The following RSU1 variants were observed in gnomAD, a reference collection of about 807,000 sequenced individuals.
RSU1 encodes Ras suppressor protein 1.
In RSU1, 26 loss-of-function variants were observed where a neutral mutation model predicts 31.1. The ratio of observed to expected loss-of-function variants is 0.84; its 90% CI spans 0.61 to 1.16. The LOEUF is 1.16. Among genes scored for constraint, RSU1 ranks in the 50% most tolerant of loss-of-function variants. The pLI is 0.00. For missense variants in RSU1, 320 were observed against 339.1 expected (o/e 0.94, Z 0.44); for synonymous variants, 164 against 136.3 (o/e 1.20, Z -1.41).
intron 8 of RSU1, among the ~76,000 whole-genome samples, chr10:16,617,546 A>G (rs549806279): frequency 6.6e-6 from 1 of 152,350 alleles, no homozygotes; most frequent in African/African-American, 2.4e-5. Flanking sequence ...CTAAGCAAAA[A>G]GAACAAAGCT....
intron 7 of RSU1, among the ~76,000 whole-genome samples, chr10:16,716,716 C>G (rs1836149033): frequency 6.6e-6 from 1 of 152,138 alleles, no homozygotes; most frequent in African/African-American, 2.4e-5. Flanking sequence ...TGACCATGAT[C>G]TAGATGCCTG....
chr10:16,667,266 G>T (rs957480856), intron 8 of RSU1, among the ~76,000 whole-genome samples: 1 of 152,172 alleles, frequency 6.6e-6, no homozygotes, highest in African/African-American at 2.4e-5. Flanking sequence ...AAGGGGTAGG[G>T]AATAAAAGTT....
At chr10:16,733,279 T>C (rs1836551420) in intron 7 of RSU1, among the ~76,000 whole-genome samples, 3 of 143,782 alleles carry the variant, frequency 2.1e-5, no homozygotes, top group African/African-American at 7.9e-5. Flanking sequence ...TCACCTGAGG[T>C]CAGGAGTTCA....
chr10:16,596,513 C>G (rs1369172000), intron 8 of RSU1, among the ~76,000 whole-genome samples: 1 of 152,170 alleles, frequency 6.6e-6, no homozygotes, highest in African/African-American at 2.4e-5. Flanking sequence ...CTGGAGGCAT[C>G]AGGTCTCCAA....
intron 2 of RSU1, among the ~76,000 whole-genome samples, chr10:16,809,634 AG>A (rs1838360931): frequency 6.6e-6 from 1 of 152,220 alleles, no homozygotes; most frequent in South Asian, 2.1e-4. Context: ...TGCTATCCAA[AG>A]AAGAGGTCTT....
intron 8 of RSU1, among the ~76,000 whole-genome samples, chr10:16,682,681 T>A (rs1835353115): frequency 6.6e-6 from 1 of 152,022 alleles, no homozygotes; most frequent in Non-Finnish European, 1.5e-5. Context: ...CTTAATAAAC[T>A]TACTTTTACT....
chr10:16,612,142 A>C (rs1368696405), intron 8 of RSU1, among the ~76,000 whole-genome samples: 4 of 152,232 alleles, frequency 2.6e-5, no homozygotes, highest in African/African-American at 4.8e-5. Flanking sequence ...GGGGTTGTCC[A>C]TTCAAATGTG....
At chr10:16,783,898 T>A (rs1045643481) in intron 2 of RSU1, among the ~76,000 whole-genome samples, 4 of 152,152 alleles carry the variant, frequency 2.6e-5, no homozygotes, top group Non-Finnish European at 4.4e-5. Flanking sequence ...CCATTCAAGT[T>A]TCTCCAAATG....
chr10:16,817,370 C>T lies in RSU1; in HGVS notation c.-59G>A, dbSNP rs544276743. 7.8e-4 allele frequency: 310 copies of T among 395,478 alleles called. 8 individuals carry two copies. The highest frequency in any genetic ancestry group is 6.6e-3 in the South Asian group (231 of 34,894). The allele number at this position is 395,478 out of a possible 1,614,324, so 24.5% of individuals were successfully genotyped here. A position where few individuals can be genotyped will look rare whatever the true frequency, so the allele number is the denominator to read the frequency against. On this transcript the variant is annotated 5_prime_UTR_variant, in exon 1 of 9. Transcript: ENST00000345264. ...TGCAACCACAAGCTTCGGCAGAACGCACTCCAGCTGCCCTCACTCCCTGCA... is the reference window on the plus strand; with the variant it reads ...TGCAACCACAAGCTTCGGCAGAACGTACTCCAGCTGCCCTCACTCCCTGCA...
intron 2 of RSU1, 69 bp downstream of exon 2, chr10:16,816,904 C>T: frequency 9.2e-7 from 1 of 1,083,824 alleles, no homozygotes; most frequent in South Asian, 1.3e-5. Context: ...ACAGCAGGAC[C>T]AGCAGTGAAT....
At chr10:16,637,100 C>T (rs1017854580) in intron 8 of RSU1, among the ~76,000 whole-genome samples, 3 of 152,156 alleles carry the variant, frequency 2.0e-5, no homozygotes, top group African/African-American at 7.2e-5. Context: ...ACAGATAAAC[C>T]ACATTATTAA....
At chr10:16,667,021 AG>A (rs1835003919) in intron 8 of RSU1, among the ~76,000 whole-genome samples, 2 of 146,682 alleles carry the variant, frequency 1.4e-5, no homozygotes, top group Non-Finnish European at 3.0e-5. Context: ...ACCAAAACAA[AG>A]CAAAACAAAC....
At chr10:16,774,166 G>C (rs117523936) in intron 3 of RSU1, among the ~76,000 whole-genome samples, 73 of 151,804 alleles carry the variant, frequency 4.8e-4, no homozygotes, top group Admixed American at 7.2e-4. Flanking sequence ...GGAGCTACAG[G>C]ATTGCAAATT....
At chr10:16,689,581 C>T (rs1175818551) in intron 8 of RSU1, among the ~76,000 whole-genome samples, 1 of 152,098 alleles carries the variant, frequency 6.6e-6, no homozygotes, top group African/African-American at 2.4e-5. Flanking sequence ...AACCAACAGC[C>T]AAAAGAATGT....
At chr10:16,773,101 G>A (rs1328153541) in intron 3 of RSU1, among the ~76,000 whole-genome samples, 1 of 151,968 alleles carries the variant, frequency 6.6e-6, no homozygotes, top group Non-Finnish European at 1.5e-5. Flanking sequence ...TCCGGAGGCT[G>A]AGGTGGGAAG....
intron 7 of RSU1, among the ~76,000 whole-genome samples, chr10:16,716,359 T>G (rs1051669227): frequency 6.6e-6 from 1 of 152,052 alleles, no homozygotes; most frequent in Admixed American, 6.5e-5. Context: ...TTTTTAAGAG[T>G]AGAAACGTCT....
intron 8 of RSU1, among the ~76,000 whole-genome samples, chr10:16,676,732 G>A (rs1208775543): frequency 6.6e-6 from 1 of 152,190 alleles, no homozygotes; most frequent in Non-Finnish European, 1.5e-5. Flanking sequence ...GTGCCTTTCA[G>A]ATTTGGGATT....
chr10:16,754,544 T>C (rs115978042), intron 5 of RSU1, among the ~76,000 whole-genome samples: 8,984 of 143,416 alleles, frequency 0.063, 820 homozygotes, highest in African/African-American at 0.22. Flanking sequence ...CATAGGAAGA[T>C]ACTTTTTTTT....
chr10:16,685,261 A>C lies in RSU1; in HGVS notation c.731+9762T>G, dbSNP rs1216387894. Among the ~76,000 whole-genome samples the C allele has an allele frequency of 2.0e-5, 3 of 152,306 alleles. 1 individual carries two copies. The highest frequency in any genetic ancestry group is 2.0e-4 in the Admixed American group (3 of 15,296). On this transcript the variant is annotated intron_variant, in intron 8 of 8. Transcript: ENST00000345264. The stretch of plus-strand genomic sequence containing the variant: ...CGGGACTCCGTCTCAAAACCAAACA[A>C]CACCAAATAAGATTATTTAAAAATG...
Sources: gnomAD v4.1 joint callset for allele counts (sites outside exome capture counted in the v4.1 genomes callset) on GRCh38, gnomAD v4.1.1 for gene constraint, MANE v1.5 for transcripts, NCBI Gene and HGNC (gene_info 2026-07-23, HGNC 2026-07-21) for gene names.